The following TRIM35 variants were observed in gnomAD, a reference collection of about 807,000 sequenced individuals.
TRIM35 encodes the protein E3 ubiquitin-protein ligase TRIM35.
In TRIM35, 37 loss-of-function variants were observed where a neutral mutation model predicts 49.1. That is an observed-to-expected ratio of 0.75 (90% CI 0.58 to 0.99). The LOEUF (loss-of-function observed/expected upper bound fraction) is 0.99, where lower values mean the gene tolerates loss of function less well. Among genes scored for constraint, TRIM35 ranks in the 50% least tolerant of loss-of-function variants. TRIM35 has a pLI of 0.00. For missense variants in TRIM35, 648 were observed against 702.7 expected, an observed-to-expected ratio of 0.92 and a Z score of 0.88; for synonymous variants, 302 against 289.3, an observed-to-expected ratio of 1.04 and a Z score of -0.45.
intron 1 of TRIM35, among the ~76,000 whole-genome samples, chr8:27,299,179 G>A (rs1377328011): frequency 6.6e-6 from 1 of 152,180 alleles, no homozygotes; most frequent in East Asian, 1.9e-4. Flanking sequence ...TTTTGGTTTA[G>A]TAGTTTTTGT....
chr8:27,293,908 T>A (rs756117698), intron 3 of TRIM35, 172 bp downstream of exon 3: 1 of 617,512 alleles, frequency 1.6e-6, no homozygotes, highest in African/African-American at 1.8e-5. Flanking sequence ...TCCGCCCTGA[T>A]AAGTCTTTTT....
rs113878209 is a variant in TRIM35 at position 27,310,897 on chromosome 8, G to C, written c.339C>G (p.Leu113=). The C allele has an allele frequency of 7.9e-5, 127 of 1,612,850 alleles. 1 individual carries two copies. The East Asian group carries it at 2.1e-3, about 26-fold the overall frequency. The change falls in exon 1 of 6, where the codon CTC becomes CTG. Residue 113 remains leucine, a synonymous_variant. Transcript: ENST00000305364. ...LHRGQLSLFC[L]EDKELLCCSC... is the part of the protein sequence containing the mutation. ...AGCAGCACAGCAGCTCCTTGTCCTCGAGGCAGAAGAGGCTGAGCTGTCCGC... is the reference window on the plus strand; with the variant it reads ...AGCAGCACAGCAGCTCCTTGTCCTCCAGGCAGAAGAGGCTGAGCTGTCCGC...
chr8:27,297,550 A>G (rs79239809), intron 2 of TRIM35, among the ~76,000 whole-genome samples: 7,299 of 152,236 alleles, frequency 0.048, 576 homozygotes, highest in African/African-American at 0.16. Flanking sequence ...ACTCCTCTAG[A>G]TAACTGGCAA....
At chr8:27,309,864 T>C (rs1451273813) in intron 1 of TRIM35, among the ~76,000 whole-genome samples, 1 of 151,306 alleles carries the variant, frequency 6.6e-6, no homozygotes, top group Non-Finnish European at 1.5e-5. Context: ...TGTTGGTACA[T>C]GCCTGTAATC....
Position 27,286,333 on chromosome 8 carries a change from G to C in TRIM35, c.*1217C>G, listed in dbSNP as rs1038363304. On this transcript the variant is annotated 3_prime_UTR_variant, in exon 6 of 6. Transcript: ENST00000305364. ...CAGGCTGAAGTCAGCAGAGACAAGA[G>C]GGCAGCGAGGCCCAGCCTCCTCTTC... is the stretch of plus-strand genomic sequence containing the variant. The C allele has an allele frequency of 8.7e-5, 32 of 367,982 alleles. No homozygotes were observed. Among genetic ancestry groups the C allele is most frequent in the African/African-American group, 6.8e-4 (32 of 47,162 alleles). 22.8% of individuals were successfully genotyped at this position (367,982 alleles called of 1,614,324 possible).
intron 1 of TRIM35, among the ~76,000 whole-genome samples, chr8:27,303,612 C>T (rs1802723184): frequency 6.6e-6 from 1 of 152,198 alleles, no homozygotes; most frequent in Non-Finnish European, 1.5e-5. Flanking sequence ...CTGGAGCATC[C>T]CCCAGCCCAA....
Position 27,298,505 on chromosome 8 carries a change from C to A in TRIM35, c.490G>T (p.Ala164Ser), listed in dbSNP as rs752944883. The A allele has an allele frequency of 2.5e-6, 4 of 1,614,228 alleles. No individual in the cohort carries two copies. The highest frequency in any genetic ancestry group is 3.4e-6 in the Non-Finnish European group (4 of 1,180,036). ...ATGGCCTCATAGGAGCGCCGCATGG[C>A]CCAGAAGGCCTTGGCCTTCTCCCGC... ...ALREKAKAFWAMRRSYEAIAK... is the reference protein window; with the variant it reads ...ALREKAKAFWSMRRSYEAIAK... The change falls in exon 2 of 6, where the codon GCC becomes TCC. Residue 164 changes from alanine (A) to serine (S), a missense_variant. Ala to Ser is a moderately conservative substitution (Grantham distance 99). Coordinates refer to ENST00000305364, the MANE Select transcript of TRIM35 (RefSeq NM_171982.5).
At chr8:27,298,768 C>A (rs142581924) in intron 1 of TRIM35, among the ~76,000 whole-genome samples, 57 of 152,294 alleles carry the variant, frequency 3.7e-4, no homozygotes, top group African/African-American at 1.4e-3. Context: ...GGATAAAGAG[C>A]CCTCAGACAT....
At chr8:27,307,140 G>C (rs1802802808) in intron 1 of TRIM35, among the ~76,000 whole-genome samples, 1 of 152,098 alleles carries the variant, frequency 6.6e-6, no homozygotes, top group East Asian at 1.9e-4. Flanking sequence ...ACTGTTCCTT[G>C]CTACAGCTCT....
chr8:27,286,282 AT>A lies in TRIM35; in HGVS notation c.*1267del, dbSNP rs1188930186. On this transcript the variant is annotated 3_prime_UTR_variant, in exon 6 of 6. Coordinates refer to ENST00000305364, the MANE Select transcript of TRIM35 (RefSeq NM_171982.5). ...GGTGGAGGAAGAAATTAGGGATGAA[AT>A]CGCAAGTGGCAGAGCAAGCATGACC... 3 of 425,288 alleles carry A rather than the reference AT, an allele frequency of 7.1e-6. No individual in the cohort carries two copies. Among genetic ancestry groups the A allele is most frequent in the African/African-American group, 6.1e-5 (3 of 49,082 alleles). The allele number at this position is 425,288 out of a possible 1,614,324, so 26.3% of individuals were successfully genotyped here. A position where few individuals can be genotyped will look rare whatever the true frequency, so the allele number is the denominator to read the frequency against.
intron 2 of TRIM35, 58 bp from the exon 3 acceptor site, chr8:27,294,368 A>T: frequency 6.6e-7 from 1 of 1,512,590 alleles, no homozygotes; most frequent in Non-Finnish European, 8.9e-7. Flanking sequence ...TCCATAGCCC[A>T]GCAACTTTCC....
intron 4 of TRIM35, among the ~76,000 whole-genome samples, chr8:27,289,889 T>A (rs543868935): frequency 6.6e-6 from 1 of 152,086 alleles, no homozygotes; most frequent in South Asian, 2.1e-4. Context: ...ACATGCAGGA[T>A]AGTGTTCTCC....
At chr8:27,302,701 C>A (rs2130305020) in intron 1 of TRIM35, among the ~76,000 whole-genome samples, 1 of 152,298 alleles carries the variant, frequency 6.6e-6, no homozygotes, top group African/African-American at 2.4e-5. Context: ...AAACTCCCTG[C>A]CTATATTTTA....
intron 3 of TRIM35, among the ~76,000 whole-genome samples, chr8:27,292,105 C>T (rs192146778): frequency 3.8e-4 from 58 of 152,310 alleles, no homozygotes; most frequent in Admixed American, 2.4e-3. Flanking sequence ...CCATGTGCAA[C>T]GTAACGATGT....
chr8:27,304,053 C>G (rs1267789599), intron 1 of TRIM35, among the ~76,000 whole-genome samples: 1 of 152,174 alleles, frequency 6.6e-6, no homozygotes, highest in East Asian at 1.9e-4. Context: ...CTAAAGGATC[C>G]AGAATGTGAT....
At position 27,307,275 on chromosome 8, in the gene TRIM35, T is replaced by C. The variant is rs74635844; in HGVS notation, c.435+3526A>G. On this transcript the variant is annotated intron_variant, in intron 1 of 5. Coordinates refer to ENST00000305364, the MANE Select transcript of TRIM35 (RefSeq NM_171982.5). ...TGTCCTGTGGGATCTGTCCTGCAGTTCCTCATCCCCACGTGAACCATCTCT... is the reference window on the plus strand; with the variant it reads ...TGTCCTGTGGGATCTGTCCTGCAGTCCCTCATCCCCACGTGAACCATCTCT... Among the ~76,000 whole-genome samples the C allele has an allele frequency of 5.0e-3, 763 of 152,038 alleles. 9 individuals carry two copies. The highest frequency in any genetic ancestry group is 0.018 in the African/African-American group (739 of 41,434).
At chr8:27,288,294 G>A (rs2130254924) in intron 5 of TRIM35, among the ~76,000 whole-genome samples, 167 bp from the exon 6 acceptor site, 1 of 152,262 alleles carries the variant, frequency 6.6e-6, no homozygotes, top group East Asian at 1.9e-4. Context: ...GTATCCCCCA[G>A]AAGATATGCG....
chr8:27,306,091 A>G (rs989901699), intron 1 of TRIM35, among the ~76,000 whole-genome samples: 1 of 152,134 alleles, frequency 6.6e-6, no homozygotes, highest in Non-Finnish European at 1.5e-5. Flanking sequence ...GATTACAGGC[A>G]TGAAACACAC....
intron 3 of TRIM35, among the ~76,000 whole-genome samples, chr8:27,291,817 A>G (rs557208077): frequency 6.6e-6 from 1 of 152,274 alleles, no homozygotes; most frequent in South Asian, 2.1e-4. Flanking sequence ...GGCAGAAGGA[A>G]GAAGGGCAAG....
Sources: gnomAD v4.1 joint callset for allele counts (sites outside exome capture counted in the v4.1 genomes callset) on GRCh38, gnomAD v4.1.1 for gene constraint, MANE v1.5 for transcripts, NCBI Gene and HGNC (gene_info 2026-07-23, HGNC 2026-07-21) for gene names.